The following NEMP2 variants were observed in gnomAD, a reference collection of about 807,000 sequenced individuals.
NEMP2 encodes the protein UPF0571 transmembrane protein.
Under a neutral mutation model 54.2 loss-of-function variants are expected in NEMP2, and 53 were observed. The observed-to-expected ratio is 0.98, with a 90% CI of 0.78 to 1.23. The LOEUF (loss-of-function observed/expected upper bound fraction) is 1.23, where lower values mean the gene tolerates loss of function less well. Ranked by LOEUF, NEMP2 falls within the 50% of genes most tolerant of loss-of-function variation. NEMP2 has a pLI of 0.00. For missense variants in NEMP2, 455 were observed against 511.3 expected (o/e 0.89, Z 1.06); for synonymous variants, 197 against 190.3 (o/e 1.04, Z -0.29).
the NEMP2 span, among the ~76,000 whole-genome samples, chr2:190,591,974 G>A: frequency 5.3e-5 from 8 of 152,136 alleles, no homozygotes; most frequent in Non-Finnish European, 1.2e-4. The surrounding 1 kb of genome is among the most constrained non-coding windows in gnomAD (Gnocchi z 5.4). Flanking sequence ...TGTTAAATGG[G>A]AATATGGAGG....
At chr2:190,583,198 G>T in the NEMP2 span, among the ~76,000 whole-genome samples, 2 of 151,532 alleles carry the variant, frequency 1.3e-5, no homozygotes, top group East Asian at 3.9e-4. Flanking sequence ...CAGAAGGAGA[G>T]AGGGCAACCT....
chr2:190,423,004 C>T, the NEMP2 span, among the ~76,000 whole-genome samples: 1 of 152,040 alleles, frequency 6.6e-6, no homozygotes, highest in African/African-American at 2.4e-5. The surrounding 1 kb of genome is among the most constrained non-coding windows in gnomAD (Gnocchi z 4.3). Flanking sequence ...TTATCAGCAC[C>T]CCAAAATTCC....
chr2:190,647,994 G>A, the NEMP2 span, among the ~76,000 whole-genome samples: 5 of 152,260 alleles, frequency 3.3e-5, no homozygotes, highest in South Asian at 1.0e-3. Flanking sequence ...CATTACAGGC[G>A]TGAGCCCTGG....
rs1477192179 is a variant in NEMP2, at chr2:190,534,703, C to T, written c.-48G>A. On this transcript the variant is annotated 5_prime_UTR_variant, in exon 1 of 9. Transcript: ENST00000409150. ...CGACCCGAGCCCTAGGGGACCGGCT[C>T]CGCTGCGAGGAGCGGAAGTGGCGCG... 8.1e-7 allele frequency: 1 copy of T among 1,227,358 alleles called. No homozygotes were observed. The highest frequency in any genetic ancestry group is 3.4e-5 in the South Asian group (1 of 29,392). The allele number at this position is 1,227,358 out of a possible 1,614,324, so 76.0% of individuals were successfully genotyped here.
the NEMP2 span, chr2:190,436,357 C>T: frequency 1.9e-5 from 30 of 1,614,054 alleles, no homozygotes; most frequent in Non-Finnish European, 2.3e-5. This position sits in a 1 kb window ranked among gnomAD's most constrained non-coding sequence, Gnocchi z 5.3. Context: ...AGTAGGTATT[C>T]GTTACTTCAT....
the NEMP2 span, chr2:190,445,019 C>T: frequency 4.5e-6 from 1 of 223,724 alleles, no homozygotes; most frequent in Non-Finnish European, 7.5e-6. Flanking sequence ...GGATACAAGC[C>T]TGAAGTCTTG....
chr2:190,608,723 G>A, the NEMP2 span: 1 of 152,188 alleles, frequency 6.6e-6, no homozygotes, highest in East Asian at 1.9e-4. This position sits in a 1 kb window ranked among gnomAD's most constrained non-coding sequence, Gnocchi z 4.9. Flanking sequence ...GAGAGGCTGT[G>A]TCTGCTAATG....
chr2:190,497,673 T>C, the NEMP2 span: 1 of 1,614,186 alleles, frequency 6.2e-7, no homozygotes, highest in South Asian at 1.1e-5. This position sits in a 1 kb window ranked among gnomAD's most constrained non-coding sequence, Gnocchi z 5.2. Flanking sequence ...AAAGAGATGA[T>C]GCAACTCACA....
the NEMP2 span, among the ~76,000 whole-genome samples, chr2:190,572,833 GTATATATATATATATA>G: frequency 1.4e-3 from 66 of 47,866 alleles, 1 homozygote; most frequent in Middle Eastern, 0.012. Context: ...CTTTTCATGA[GTATATATATATATATA>G]TATATATATA....
At chr2:190,637,682 C>T in the NEMP2 span, among the ~76,000 whole-genome samples, 1 of 152,210 alleles carries the variant, frequency 6.6e-6, no homozygotes, top group African/African-American at 2.4e-5. This position sits in a 1 kb window ranked among gnomAD's most constrained non-coding sequence, Gnocchi z 4.5. Flanking sequence ...GGCCTACTGA[C>T]TTTCACCCCT....
At chr2:190,619,306 T>C in the NEMP2 span, among the ~76,000 whole-genome samples, 2 of 148,378 alleles carry the variant, frequency 1.3e-5, no homozygotes, top group Non-Finnish European at 3.0e-5. The surrounding 1 kb of genome is among the most constrained non-coding windows in gnomAD (Gnocchi z 5.5). Flanking sequence ...GAGACCAGCC[T>C]GGGCAACATA....
the NEMP2 span, among the ~76,000 whole-genome samples, chr2:190,439,485 C>T: frequency 2.0e-5 from 3 of 152,058 alleles, no homozygotes; most frequent in South Asian, 6.2e-4. This position sits in a 1 kb window ranked among gnomAD's most constrained non-coding sequence, Gnocchi z 5.8. Context: ...TTTCCACATG[C>T]TAAGAAAAGA....
At chr2:190,566,703 AAGG>A in the NEMP2 span, among the ~76,000 whole-genome samples, 1 of 135,262 alleles carries the variant, frequency 7.4e-6, no homozygotes, top group African/African-American at 2.5e-5. Context: ...AGGAGAGAGG[AAGG>A]AGGGAAGAAA....
downstream of NEMP2, among the ~76,000 whole-genome samples, chr2:190,503,871 C>G (rs1425384410): frequency 3.3e-5 from 5 of 152,272 alleles, no homozygotes; most frequent in Non-Finnish European, 7.3e-5. This position sits in a 1 kb window ranked among gnomAD's most constrained non-coding sequence, Gnocchi z 6.3. Context: ...CAAACTGTGG[C>G]TTCTTATAAG....
the NEMP2 span, among the ~76,000 whole-genome samples, chr2:190,547,212 G>A: frequency 6.6e-6 from 1 of 152,176 alleles, no homozygotes; most frequent in Admixed American, 6.5e-5. The surrounding 1 kb of genome is among the most constrained non-coding windows in gnomAD (Gnocchi z 6.2). Context: ...TGGTTTCATA[G>A]AAGACAAAAA....
the NEMP2 span, chr2:190,437,114 C>A: frequency 6.2e-7 from 1 of 1,614,224 alleles, no homozygotes; most frequent in Non-Finnish European, 8.5e-7. The surrounding 1 kb of genome is among the most constrained non-coding windows in gnomAD (Gnocchi z 5.9). Flanking sequence ...GGGTGTAAGC[C>A]CCCCGAGTAC....
In NEMP2 at chr2:190,512,069, C is replaced by A. The variant is rs1185547478; in HGVS notation, c.954-1532G>T. On this transcript the variant is annotated intron_variant, in intron 7 of 8. Transcript: ENST00000409150. This position sits in a 1 kb window ranked among gnomAD's most constrained non-coding sequence, Gnocchi z 4.5. ...TAGTTGATGAGCTAGATCAAGGAAA[C>A]AGTGATATAATCTCCTTCTGCTTTT... Among the ~76,000 whole-genome samples the A allele has an allele frequency of 6.6e-6, 1 of 151,746 alleles. No individual in the cohort carries two copies. The highest frequency in any genetic ancestry group is 1.5e-5 in the Non-Finnish European group (1 of 67,970).
chr2:190,584,040 T>C, the NEMP2 span, among the ~76,000 whole-genome samples: 1 of 152,144 alleles, frequency 6.6e-6, no homozygotes, highest in African/African-American at 2.4e-5. The surrounding 1 kb of genome is among the most constrained non-coding windows in gnomAD (Gnocchi z 4.2). Context: ...AAGCTAGCAG[T>C]AGTAGTACAA....
In NEMP2 at chr2:190,527,970, T is replaced by C. The variant is rs1353347555; in HGVS notation, c.98-2592A>G. Among the ~76,000 whole-genome samples the C allele has an allele frequency of 6.6e-6, 1 of 152,166 alleles. No homozygotes were observed. The highest frequency in any genetic ancestry group is 1.5e-5 in the Non-Finnish European group (1 of 68,036). On this transcript the variant is annotated intron_variant, in intron 1 of 8. Coordinates refer to ENST00000409150, the MANE Select transcript of NEMP2 (RefSeq NM_001142645.2). This position sits in a 1 kb window ranked among gnomAD's most constrained non-coding sequence, Gnocchi z 4.0. ...CTTCCATGAAACTGGTCCCTGTTGC[T>C]AAAAGGTTGAAGACTGCTGTTCTAC...
Sources: gnomAD v4.1 joint callset for allele counts (sites outside exome capture counted in the v4.1 genomes callset) on GRCh38, gnomAD v4.1.1 for gene constraint, Gnocchi (gnomAD v3.1) non-coding constraint, MANE v1.5 for transcripts, NCBI Gene and HGNC (gene_info 2026-07-23, HGNC 2026-07-21) for gene names.